The following STX8 variants were observed in gnomAD, a reference collection of about 807,000 sequenced individuals.
STX8 encodes the protein syntaxin 8.
Under a neutral mutation model 37.5 loss-of-function variants are expected in STX8, and 23 were observed. The observed-to-expected ratio is 0.61, with a 90% CI of 0.44 to 0.87. The LOEUF is 0.87. Ranked by LOEUF, STX8 falls within the 40% of genes least tolerant of loss-of-function variation. STX8 has a pLI of 0.00. For synonymous variants in STX8, 115 were observed against 99.1 expected (o/e 1.16, Z -0.95); for missense variants, 313 against 284.7 (o/e 1.10, Z -0.71).
intron 6 of STX8, among the ~76,000 whole-genome samples, chr17:9,420,747 C>T (rs72816192): frequency 2.4e-4 from 37 of 152,286 alleles, no homozygotes; most frequent in Non-Finnish European, 3.4e-4. Context: ...GTGTTCCTGC[C>T]GAGGTCATCA....
intron 7 of STX8, among the ~76,000 whole-genome samples, chr17:9,325,142 A>G (rs1254333505): frequency 6.6e-6 from 1 of 152,184 alleles, no homozygotes; most frequent in Non-Finnish European, 1.5e-5. Flanking sequence ...AGCACCTTGA[A>G]GATAGGCTAG....
intron 6 of STX8, among the ~76,000 whole-genome samples, chr17:9,435,568 T>G (rs2142377806): frequency 6.6e-6 from 1 of 152,322 alleles, no homozygotes; most frequent in South Asian, 2.1e-4. Context: ...TTATACCCAC[T>G]GCTTAAAGAG....
chr17:9,537,467 T>A (rs1292134544), intron 4 of STX8, among the ~76,000 whole-genome samples: 1 of 152,186 alleles, frequency 6.6e-6, no homozygotes, highest in Non-Finnish European at 1.5e-5. Flanking sequence ...AACCTGAAGC[T>A]CGGAGTCACC....
intron 2 of STX8, among the ~76,000 whole-genome samples, chr17:9,563,204 C>T (rs545467641): frequency 8.2e-5 from 11 of 134,728 alleles, no homozygotes; most frequent in East Asian, 7.5e-4. Context: ...TTTATTGAGA[C>T]AGAGTTTCAT....
At chr17:9,545,597 T>G (rs1906474286) in intron 3 of STX8, among the ~76,000 whole-genome samples, 1 of 152,206 alleles carries the variant, frequency 6.6e-6, no homozygotes, top group Non-Finnish European at 1.5e-5. Flanking sequence ...TTACTTATTT[T>G]TGAGACAGAG....
At chr17:9,455,274 C>A (rs12941612) in intron 6 of STX8, among the ~76,000 whole-genome samples, 1 of 151,406 alleles carries the variant, frequency 6.6e-6, no homozygotes, top group South Asian at 2.1e-4. Context: ...CCGAGGTGGG[C>A]GGATCATGAG....
chr17:9,428,405 T>C (rs565755597), intron 6 of STX8, among the ~76,000 whole-genome samples: 1 of 152,286 alleles, frequency 6.6e-6, no homozygotes, highest in Non-Finnish European at 1.5e-5. Flanking sequence ...CACGCCCGGC[T>C]AATTTTTTGT....
chr17:9,449,675 C>G (rs186462830), intron 6 of STX8, among the ~76,000 whole-genome samples: 2 of 152,186 alleles, frequency 1.3e-5, no homozygotes, highest in Non-Finnish European at 2.9e-5. Flanking sequence ...ATCTTAAATG[C>G]ATTATGCTTA....
chr17:9,455,303 T>C (rs932908499), intron 6 of STX8, among the ~76,000 whole-genome samples: 26 of 151,814 alleles, frequency 1.7e-4, no homozygotes, highest in African/African-American at 6.3e-4. Context: ...ATTGAAACCA[T>C]CCTGCCTAAC....
At chr17:9,519,563 C>G (rs1362256106) in intron 4 of STX8, among the ~76,000 whole-genome samples, 1 of 152,130 alleles carries the variant, frequency 6.6e-6, no homozygotes, top group Non-Finnish European at 1.5e-5. Context: ...TCAAATCATC[C>G]TACACTCTGC....
chr17:9,308,463 G>A (rs111646715), intron 7 of STX8, among the ~76,000 whole-genome samples: 17,937 of 152,140 alleles, frequency 0.12, 3,374 homozygotes, highest in African/African-American at 0.4. Context: ...GGTGGCTCAC[G>A]CCTGTAATCT....
chr17:9,400,409 A>AT lies in STX8; in HGVS notation c.542-21757dup, dbSNP rs1304977741. On this transcript the variant is annotated intron_variant, in intron 6 of 7. Transcript: ENST00000306357. ...GCCACCGCACCAGGCTTATTTATTT[A>AT]TTTTTTTTTTTTTGAGATGGAGTCT... Among the ~76,000 whole-genome samples the AT allele has an allele frequency of 2.8e-3, 317 of 112,942 alleles. 1 individual carries two copies. In the Middle Eastern group the frequency reaches 0.029, roughly 10 times the overall value. 74.1% of individuals were successfully genotyped at this position (112,942 alleles called of 152,430 possible). A position where few individuals can be genotyped will look rare whatever the true frequency, so the allele number is the denominator to read the frequency against.
At chr17:9,340,918 A>T (rs905446210) in intron 7 of STX8, among the ~76,000 whole-genome samples, 6 of 149,928 alleles carry the variant, frequency 4.0e-5, no homozygotes, top group Non-Finnish European at 7.4e-5. Context: ...CGGCCTCTCA[A>T]AGTGCTGGGA....
intron 7 of STX8, among the ~76,000 whole-genome samples, chr17:9,295,553 G>T (rs556709964): frequency 6.6e-6 from 1 of 152,230 alleles, no homozygotes; most frequent in East Asian, 1.9e-4. Flanking sequence ...GACCAGCCTG[G>T]CCAACAGGTG....
intron 7 of STX8, among the ~76,000 whole-genome samples, chr17:9,335,717 A>G (rs972767382): frequency 2.6e-5 from 4 of 152,074 alleles, no homozygotes; most frequent in East Asian, 3.8e-4. Flanking sequence ...TTTAAAAAAG[A>G]TAATATATGA....
intron 7 of STX8, among the ~76,000 whole-genome samples, chr17:9,264,967 A>C (rs1907180689): frequency 6.6e-6 from 1 of 151,738 alleles, no homozygotes; most frequent in Non-Finnish European, 1.5e-5. Flanking sequence ...AATAAGAATA[A>C]AATTACCTAG....
chr17:9,519,174 A>T (rs1002625518), intron 4 of STX8, among the ~76,000 whole-genome samples: 2 of 152,150 alleles, frequency 1.3e-5, no homozygotes, highest in East Asian at 3.9e-4. Context: ...GTCTCTACCC[A>T]TAATATCTCC....
At chr17:9,258,519 C>T (rs576272322) in intron 7 of STX8, among the ~76,000 whole-genome samples, 2 of 152,326 alleles carry the variant, frequency 1.3e-5, no homozygotes, top group South Asian at 2.1e-4. Context: ...TTCCTACAGC[C>T]GCTGCTCAGC....
At chr17:9,382,171 T>TCA (rs57809204) in intron 6 of STX8, among the ~76,000 whole-genome samples, 10,399 of 146,962 alleles carry the variant, frequency 0.071, 431 homozygotes, top group African/African-American at 0.12. Flanking sequence ...AAGAAAACAC[T>TCA]CACACACACA....
Sources: gnomAD v4.1 joint callset for allele counts (sites outside exome capture counted in the v4.1 genomes callset) on GRCh38, gnomAD v4.1.1 for gene constraint, MANE v1.5 for transcripts, NCBI Gene and HGNC (gene_info 2026-07-23, HGNC 2026-07-21) for gene names.